Variants in TENM4 observed in about 807,000 individuals in gnomAD.
The protein encoded by TENM4 is teneurin transmembrane protein 4.
Under a neutral mutation model 243.3 loss-of-function variants are expected in TENM4, and 82 were observed. The ratio of observed to expected loss-of-function variants is 0.34; its 90% CI spans 0.28 to 0.40. The LOEUF (loss-of-function observed/expected upper bound fraction) is 0.40, where lower values mean the gene tolerates loss of function less well. Among genes scored for constraint, TENM4 ranks in the 10% least tolerant of loss-of-function variants. The pLI is 1.00. For missense variants in TENM4, 3,138 were observed against 3,673.3 expected (o/e 0.85, Z 3.77); for synonymous variants, 1,412 against 1,456.3 (o/e 0.97, Z 0.69).
Position 79,438,959 on chromosome 11 carries a change from T to C in TENM4, c.-321+1550A>G, listed in dbSNP as rs949863105. ...GCCGGGGTGGGGGCGCCCCGGTACT[T>C]ACACTCCCCAAGCAGGCAAACTTTC... On this transcript the variant is annotated intron_variant, in intron 1 of 33. Coordinates refer to ENST00000278550, the MANE Select transcript of TENM4 (RefSeq NM_001098816.3). This position sits in a 1 kb window ranked among gnomAD's most constrained non-coding sequence, Gnocchi z 4.1. 1.2e-4 allele frequency: 18 copies of C among 151,630 alleles called. No individual in the cohort carries two copies. Among genetic ancestry groups the C allele is most frequent in the African/African-American group, 3.6e-4 (15 of 41,240 alleles). The allele number at this position is 151,630 out of a possible 1,614,324, so 9.4% of individuals were successfully genotyped here. A position where few individuals can be genotyped will look rare whatever the true frequency, so the allele number is the denominator to read the frequency against.
At chr11:78,818,873 T>C (rs1201260827) in intron 12 of TENM4, among the ~76,000 whole-genome samples, 7 of 151,822 alleles carry the variant, frequency 4.6e-5, no homozygotes, top group Non-Finnish European at 4.4e-5. Flanking sequence ...AGCCTATGAA[T>C]AATTGGTTTT....
intron 25 of TENM4, among the ~76,000 whole-genome samples, chr11:78,713,611 G>A (rs562128829): frequency 5.8e-4 from 89 of 152,252 alleles, no homozygotes; most frequent in African/African-American, 2.0e-3. Flanking sequence ...CCTGAGCCTC[G>A]AATAGTCCTT....
intron 1 of TENM4, among the ~76,000 whole-genome samples, chr11:79,338,805 C>T (rs564098554): frequency 6.6e-6 from 1 of 152,302 alleles, no homozygotes; most frequent in East Asian, 1.9e-4. Flanking sequence ...GAACCTTGGA[C>T]AAGTCACACT....
intron 1 of TENM4, among the ~76,000 whole-genome samples, chr11:79,359,523 A>G (rs1440710641): frequency 6.6e-6 from 1 of 152,192 alleles, no homozygotes; most frequent in African/African-American, 2.4e-5. Context: ...TGAATACATG[A>G]GGAGGTTATT....
chr11:79,281,671 C>T (rs1467931784), intron 2 of TENM4, among the ~76,000 whole-genome samples: 1 of 152,132 alleles, frequency 6.6e-6, no homozygotes, highest in Non-Finnish European at 1.5e-5. Context: ...ATGACAAGTC[C>T]CCAGGAGGCC....
At chr11:79,246,985 C>CG (rs71050214) in intron 2 of TENM4, among the ~76,000 whole-genome samples, 44,197 of 133,306 alleles carry the variant, frequency 0.33, 7,802 homozygotes, top group East Asian at 0.58. Context: ...TTGTATTTCT[C>CG]AAAAAAAAAA....
rs552596671 is a variant in TENM4 at position 78,707,466 on chromosome 11, C to T, written c.4209+895G>A. The stretch of plus-strand genomic sequence containing the variant: ...CTCTTTGGCATGGTACAACAGGGTC[C>T]GTCCCTTCCTGGACCCAAACCATGC... On this transcript the variant is annotated intron_variant, in intron 27 of 33. Transcript: ENST00000278550. Among the ~76,000 whole-genome samples the T allele has an allele frequency of 3.3e-5, 5 of 152,368 alleles. No homozygotes were observed. The South Asian group carries it at 8.3e-4, about 25-fold the overall frequency.
intron 6 of TENM4, among the ~76,000 whole-genome samples, chr11:79,026,122 C>T (rs533087518): frequency 3.3e-5 from 5 of 152,248 alleles, no homozygotes; most frequent in South Asian, 2.1e-4. Context: ...GGTGTGAACA[C>T]GAGGGCAAAT....
At chr11:79,305,889 G>A (rs1453509175) in intron 1 of TENM4, among the ~76,000 whole-genome samples, 1 of 152,224 alleles carries the variant, frequency 6.6e-6, no homozygotes, top group Non-Finnish European at 1.5e-5. Flanking sequence ...ACTTCTAGCA[G>A]CCTGGCCACA....
In TENM4 at chr11:78,786,897, C is replaced by G; in HGVS notation, c.2365+1G>C. The G allele has an allele frequency of 1.2e-6, 2 of 1,607,084 alleles. No homozygotes were observed. Among genetic ancestry groups the G allele is most frequent in the Non-Finnish European group, 1.7e-6 (2 of 1,177,390 alleles). ...TACCCGGGGACCTCGGCCCGCCATA[C>G]CGATGGTGCAGTGTTCGCCATTCCA... is the stretch of plus-strand genomic sequence containing the variant. On this transcript the variant is annotated splice_donor_variant, in intron 16 of 33. Transcript: ENST00000278550. LOFTEE classifies it high-confidence loss of function.
intron 3 of TENM4, among the ~76,000 whole-genome samples, chr11:79,195,447 T>C (rs953661923): frequency 6.6e-6 from 1 of 152,082 alleles, no homozygotes; most frequent in Non-Finnish European, 1.5e-5. Context: ...GGCTGTACCC[T>C]GCAAAGCCAA....
intron 2 of TENM4, among the ~76,000 whole-genome samples, chr11:79,244,571 AG>A (rs1231167511): frequency 1.3e-5 from 2 of 152,152 alleles, no homozygotes; most frequent in Non-Finnish European, 1.5e-5. Flanking sequence ...CCCATAAAAA[AG>A]CCGCTTGCAG....
At chr11:78,867,392 T>C (rs1403870957) in intron 9 of TENM4, among the ~76,000 whole-genome samples, 1 of 152,216 alleles carries the variant, frequency 6.6e-6, no homozygotes, top group Non-Finnish European at 1.5e-5. Flanking sequence ...GGACATTTAA[T>C]CTGTGATCCA....
At chr11:79,300,790 C>T (rs945837502) in intron 1 of TENM4, among the ~76,000 whole-genome samples, 4 of 152,132 alleles carry the variant, frequency 2.6e-5, no homozygotes, top group African/African-American at 4.8e-5. Flanking sequence ...AATCTCTTTC[C>T]GGTTGCTGCA....
intron 1 of TENM4, among the ~76,000 whole-genome samples, chr11:79,377,370 G>T (rs1857912160): frequency 6.6e-6 from 1 of 152,128 alleles, no homozygotes; most frequent in Non-Finnish European, 1.5e-5. Context: ...GGTTCTGAGG[G>T]TCCAGACACC....
Position 78,863,122 on chromosome 11 carries a change from C to CA in TENM4, c.1094dup (p.Phe366ValfsTer16). ...GCTGCAGGTGCCAGTTTAGGCCAAACAGGTGCATGGCTGTGGTGAGCAATG... is the reference window on the plus strand; with the variant it reads ...GCTGCAGGTGCCAGTTTAGGCCAAACAAGGTGCATGGCTGTGGTGAGCAATG... On this transcript the variant is annotated frameshift_variant, in exon 10 of 34. Coordinates refer to ENST00000278550, the MANE Select transcript of TENM4 (RefSeq NM_001098816.3). LOFTEE classifies it high-confidence loss of function. The CA allele has an allele frequency of 6.6e-7, 1 of 1,518,242 alleles. No individual in the cohort carries two copies. Among genetic ancestry groups the CA allele is most frequent in the East Asian group, 2.5e-5 (1 of 40,074 alleles). 94.0% of individuals were successfully genotyped at this position (1,518,242 alleles called of 1,614,324 possible).
intron 2 of TENM4, among the ~76,000 whole-genome samples, chr11:79,277,818 G>A (rs144709533): frequency 1.4e-3 from 217 of 152,220 alleles, no homozygotes; most frequent in Middle Eastern, 3.4e-3. Flanking sequence ...AGTTTTCTGA[G>A]GGTCTTCTTT....
rs184984683 is a variant in TENM4, at chr11:79,436,675, G to A, written c.-321+3834C>T. Among the ~76,000 whole-genome samples, 4 of 152,280 alleles carry A rather than the reference G, an allele frequency of 2.6e-5. No individual in the cohort carries two copies. In the East Asian group the frequency reaches 7.7e-4, roughly 29 times the overall value. On this transcript the variant is annotated intron_variant, in intron 1 of 33. Coordinates refer to ENST00000278550, the MANE Select transcript of TENM4 (RefSeq NM_001098816.3). ...TGGTTCTTGTTCAGACCAAGCACTA[G>A]TTCTGCCCGTTGGCATCCGCACTGG...
At chr11:78,706,333 A>G (rs1859247353) in intron 27 of TENM4, among the ~76,000 whole-genome samples, 1 of 151,954 alleles carries the variant, frequency 6.6e-6, no homozygotes, top group Non-Finnish European at 1.5e-5. Context: ...CTCTCTCTTT[A>G]GTTTCTTTTT....
Sources: gnomAD v4.1 joint callset for allele counts (sites outside exome capture counted in the v4.1 genomes callset) on GRCh38, gnomAD v4.1.1 for gene constraint, Gnocchi (gnomAD v3.1) non-coding constraint, MANE v1.5 for transcripts, NCBI Gene and HGNC (gene_info 2026-07-23, HGNC 2026-07-21) for gene names.